Variants in FAM117B observed in about 807,000 individuals in gnomAD.
FAM117B encodes the protein family with sequence similarity 117 member B, also known as protein FAM117B.
A neutral mutation model predicts 52.8 loss-of-function variants in FAM117B; 22 were observed. That is an observed-to-expected ratio of 0.42 (90% CI 0.30 to 0.59). FAM117B has a LOEUF of 0.59. Among genes scored for constraint, FAM117B ranks in the 20% least tolerant of loss-of-function variants. FAM117B has a pLI of 0.22. For synonymous variants in FAM117B, 309 were observed against 324.1 expected, an observed-to-expected ratio of 0.95 and a Z score of 0.50; for missense variants, 678 against 802.6, an observed-to-expected ratio of 0.84 and a Z score of 1.88.
intron 7 of FAM117B, among the ~76,000 whole-genome samples, chr2:202,761,103 C>T (rs924455729): frequency 2.0e-5 from 3 of 152,188 alleles, no homozygotes; most frequent in Admixed American, 6.5e-5. Flanking sequence ...TTGGCATGTG[C>T]CCAGGCTGGT....
At chr2:202,742,518 C>G (rs901173963) in intron 4 of FAM117B, among the ~76,000 whole-genome samples, 1 of 152,050 alleles carries the variant, frequency 6.6e-6, no homozygotes, top group Non-Finnish European at 1.5e-5. Flanking sequence ...ACACCATATA[C>G]AAAAACAACC....
intron 2 of FAM117B, among the ~76,000 whole-genome samples, chr2:202,699,426 CAAAAAAAA>C (rs751190825): frequency 1.1e-4 from 2 of 17,914 alleles, no homozygotes; most frequent in African/African-American, 1.8e-4. Context: ...GACCCCATCT[CAAAAAAAA>C]AAAAAAAAAA....
At chr2:202,636,240 G>A (rs1689684885) in intron 1 of FAM117B, among the ~76,000 whole-genome samples, 1 of 152,238 alleles carries the variant, frequency 6.6e-6, no homozygotes, top group Non-Finnish European at 1.5e-5. Flanking sequence ...TCACAAAACA[G>A]TTTCAGATCT....
intron 7 of FAM117B, 85 bp downstream of exon 7, chr2:202,759,438 G>A (rs187956807): frequency 3.9e-6 from 6 of 1,521,848 alleles, no homozygotes; most frequent in South Asian, 1.3e-5. Context: ...CATCTAGGCT[G>A]GACTGCACTG....
chr2:202,647,822 A>G (rs1027699088), intron 1 of FAM117B, among the ~76,000 whole-genome samples: 3 of 152,102 alleles, frequency 2.0e-5, no homozygotes, highest in African/African-American at 7.2e-5. Flanking sequence ...TGTTAGTATT[A>G]TTTAATAGGA....
At position 202,768,099 on chromosome 2, in the gene FAM117B, T is replaced by C. The variant is rs1692012926; in HGVS notation, c.*2335T>C. ...AAAACAAGTTATTTAAAAAGAACTC[T>C]TGGTTTTTGGATGACTTGAATTCTG... On this transcript the variant is annotated 3_prime_UTR_variant, in exon 8 of 8. Transcript: ENST00000392238. The C allele has an allele frequency of 6.6e-6, 1 of 152,206 alleles. No homozygotes were observed. The highest frequency in any genetic ancestry group is 2.1e-4 in the South Asian group (1 of 4,830). The allele number at this position is 152,206 out of a possible 1,614,324, so 9.4% of individuals were successfully genotyped here.
chr2:202,681,206 G>A (rs976947687), intron 1 of FAM117B, among the ~76,000 whole-genome samples: 2 of 152,100 alleles, frequency 1.3e-5, no homozygotes, highest in Admixed American at 1.3e-4. Context: ...TAATGTGTCA[G>A]TAGATTACCA....
At chr2:202,689,192 G>T (rs1294468835) in intron 1 of FAM117B, among the ~76,000 whole-genome samples, 8 of 152,334 alleles carry the variant, frequency 5.3e-5, no homozygotes, top group Admixed American at 5.2e-4. Flanking sequence ...TGTAATCCCA[G>T]CACTTTGGGA....
chr2:202,764,141 C>G (rs187265022), intron 7 of FAM117B, among the ~76,000 whole-genome samples: 1 of 152,208 alleles, frequency 6.6e-6, no homozygotes, highest in Non-Finnish European at 1.5e-5. Context: ...TGAAACACAG[C>G]TCTGTCCCCA....
At chr2:202,676,752 G>A (rs574885484) in intron 1 of FAM117B, among the ~76,000 whole-genome samples, 4 of 152,244 alleles carry the variant, frequency 2.6e-5, no homozygotes, top group South Asian at 2.1e-4. Flanking sequence ...TAAAAATTTC[G>A]ATGCCTGCAA....
intron 1 of FAM117B, among the ~76,000 whole-genome samples, chr2:202,646,917 G>T (rs190499462): frequency 2.0e-5 from 3 of 151,904 alleles, no homozygotes; most frequent in African/African-American, 7.3e-5. Flanking sequence ...GTGATCTAGG[G>T]TATGTACAAG....
intron 4 of FAM117B, among the ~76,000 whole-genome samples, chr2:202,733,283 A>T (rs1373151187): frequency 6.6e-6 from 1 of 152,220 alleles, no homozygotes; most frequent in East Asian, 1.9e-4. Context: ...CAAACTTAGA[A>T]TTACTGATGA....
intron 4 of FAM117B, among the ~76,000 whole-genome samples, chr2:202,740,346 C>T (rs369270127): frequency 2.6e-4 from 32 of 124,474 alleles, no homozygotes; most frequent in African/African-American, 3.9e-4. Flanking sequence ...GGCAACAGAA[C>T]GAGACTCTGC....
At chr2:202,660,955 C>T (rs918465481) in intron 1 of FAM117B, among the ~76,000 whole-genome samples, 1 of 152,208 alleles carries the variant, frequency 6.6e-6, no homozygotes, top group Non-Finnish European at 1.5e-5. Flanking sequence ...GGGATTCCAC[C>T]CATAGCCTTC....
At chr2:202,744,436 T>C (rs944003906) in intron 4 of FAM117B, among the ~76,000 whole-genome samples, 3 of 152,172 alleles carry the variant, frequency 2.0e-5, no homozygotes, top group Non-Finnish European at 4.4e-5. Context: ...AATCTATTCA[T>C]GAGAAATCTG....
intron 2 of FAM117B, among the ~76,000 whole-genome samples, chr2:202,698,527 A>G (rs533105133): frequency 3.1e-4 from 47 of 151,992 alleles, no homozygotes; most frequent in Non-Finnish European, 6.5e-4. Flanking sequence ...GGTACAAGCA[A>G]TTCTCCTGTT....
chr2:202,681,412 A>G (rs1187970092), intron 1 of FAM117B, among the ~76,000 whole-genome samples: 1 of 152,234 alleles, frequency 6.6e-6, no homozygotes, highest in East Asian at 1.9e-4. Flanking sequence ...CTACCAAGAC[A>G]TTAAATATGA....
intron 2 of FAM117B, among the ~76,000 whole-genome samples, chr2:202,715,065 G>T (rs906046210): frequency 2.0e-5 from 3 of 152,204 alleles, no homozygotes; most frequent in African/African-American, 4.8e-5. Flanking sequence ...CCCAGACGGG[G>T]TGGTGGCGGG....
chr2:202,636,060 C>T (rs1689682123), intron 1 of FAM117B, among the ~76,000 whole-genome samples: 1 of 146,726 alleles, frequency 6.8e-6, no homozygotes, highest in African/African-American at 2.5e-5. Flanking sequence ...AAACCTTGGG[C>T]TTGAGCTGAT....
Sources: allele counts gnomAD v4.1 joint callset (sites outside exome capture counted in the v4.1 genomes callset), GRCh38; gene constraint gnomAD v4.1.1; transcripts MANE v1.5; gene names NCBI Gene and HGNC (gene_info 2026-07-23, HGNC 2026-07-21).